The following CDH4 variants were observed in gnomAD, a reference collection of about 807,000 sequenced individuals.
CDH4 encodes cadherin-4.
A neutral mutation model predicts 86.0 loss-of-function variants in CDH4; 33 were observed. The ratio of observed to expected loss-of-function variants is 0.38; its 90% CI spans 0.29 to 0.51. The LOEUF (loss-of-function observed/expected upper bound fraction) is 0.51, where lower values mean the gene tolerates loss of function less well. Ranked by LOEUF, CDH4 falls within the 20% of genes least tolerant of loss-of-function variation. The pLI is 0.86. For synonymous variants in CDH4, 555 were observed against 549.4 expected (o/e 1.01, Z -0.14); for missense variants, 1,114 against 1,307.4 (o/e 0.85, Z 2.28).
At chr20:61,907,197 G>C (rs1023013859) in intron 8 of CDH4, among the ~76,000 whole-genome samples, 1 of 152,062 alleles carries the variant, frequency 6.6e-6, no homozygotes, top group South Asian at 2.1e-4. Context: ...AGGCCCCCCC[G>C]GGCACCAGGT....
At chr20:61,570,509 T>C (rs984087282) in intron 2 of CDH4, 2 of 598,856 alleles carry the variant, frequency 3.3e-6, no homozygotes, top group African/African-American at 1.8e-5. Context: ...CTCTCAAGGA[T>C]GGGAATGAGA....
intron 9 of CDH4, among the ~76,000 whole-genome samples, chr20:61,918,009 C>T (rs543436083): frequency 1.1e-4 from 17 of 152,258 alleles, no homozygotes; most frequent in South Asian, 2.1e-4. Flanking sequence ...TTGTTCATAG[C>T]GCTACCACGA....
intron 6 of CDH4, among the ~76,000 whole-genome samples, chr20:61,853,430 G>A (rs970328620): frequency 4.6e-5 from 7 of 152,186 alleles, no homozygotes; most frequent in African/African-American, 1.7e-4. Flanking sequence ...TCCCCCCACA[G>A]AGGCGATCCC....
At chr20:61,273,057 G>C (rs1325439901) in intron 2 of CDH4, among the ~76,000 whole-genome samples, 2 of 110,338 alleles carry the variant, frequency 1.8e-5, no homozygotes, top group Non-Finnish European at 3.6e-5. Flanking sequence ...GTGCAGTTTG[G>C]GGGAGGACCA....
At chr20:61,430,326 C>A (rs1038462307) in intron 2 of CDH4, among the ~76,000 whole-genome samples, 12 of 152,166 alleles carry the variant, frequency 7.9e-5, no homozygotes, top group Admixed American at 2.0e-4. Flanking sequence ...TTTCAGCAAC[C>A]TCCCCCACAC....
At chr20:61,624,229 C>T (rs565705531) in intron 2 of CDH4, among the ~76,000 whole-genome samples, 2 of 152,316 alleles carry the variant, frequency 1.3e-5, no homozygotes, top group Non-Finnish European at 2.9e-5. Flanking sequence ...CCTCAGGAAT[C>T]GGGAAGATAC....
intron 2 of CDH4, among the ~76,000 whole-genome samples, chr20:61,279,396 G>T (rs1389694260): frequency 6.6e-6 from 1 of 152,102 alleles, no homozygotes; most frequent in African/African-American, 2.4e-5. Flanking sequence ...TCCCAGAGGG[G>T]CCTGGCAGCC....
In CDH4 at chr20:61,785,722, C is replaced by A. The variant is rs561644154; in HGVS notation, c.576+12540C>A. Among the ~76,000 whole-genome samples the A allele has an allele frequency of 6.5e-4, 99 of 152,240 alleles. 3 individuals carry two copies. In the South Asian group the frequency reaches 0.02, roughly 31 times the overall value. ...GAGACCTTGCCCAGGTGGACAGGGC[C>A]CTCTAAAGTTCAGGACACCTCCCTT... On this transcript the variant is annotated intron_variant, in intron 4 of 15. Transcript: ENST00000614565.
chr20:61,352,472 G>T (rs1211408792), intron 2 of CDH4, among the ~76,000 whole-genome samples: 1 of 152,232 alleles, frequency 6.6e-6, no homozygotes, highest in Non-Finnish European at 1.5e-5. Flanking sequence ...CATTGCTTTA[G>T]AAAGGACTGC....
chr20:61,532,561 G>A (rs1195889083), intron 2 of CDH4, among the ~76,000 whole-genome samples: 3 of 152,188 alleles, frequency 2.0e-5, no homozygotes, highest in Admixed American at 2.0e-4. Flanking sequence ...AAGTGGACAA[G>A]GGATATCAGT....
chr20:61,376,134 G>A (rs989948197), intron 2 of CDH4, among the ~76,000 whole-genome samples: 1 of 134,480 alleles, frequency 7.4e-6, no homozygotes, highest in South Asian at 2.5e-4. Context: ...GATGAAGGTG[G>A]TACTGGTGGC....
chr20:61,546,034 CGTGT>C (rs1568886562), intron 2 of CDH4, among the ~76,000 whole-genome samples: 1 of 1,334 alleles, frequency 7.5e-4, no homozygotes, highest in Non-Finnish European at 1.4e-3. Flanking sequence ...GGTGTGTGTT[CGTGT>C]GTGTGTGGAG....
At chr20:61,503,170 A>G (rs1600716212) in intron 2 of CDH4, among the ~76,000 whole-genome samples, 1 of 152,148 alleles carries the variant, frequency 6.6e-6, no homozygotes, top group African/African-American at 2.4e-5. Flanking sequence ...TTGTGGATGG[A>G]ACAACTGGCT....
intron 2 of CDH4, among the ~76,000 whole-genome samples, chr20:61,314,082 T>TTC (rs1381114257): frequency 6.6e-6 from 1 of 152,230 alleles, no homozygotes; most frequent in Non-Finnish European, 1.5e-5. Flanking sequence ...ATCAAGTCAG[T>TTC]TCACATCTCC....
chr20:61,794,852 G>A (rs1323275271), intron 4 of CDH4, among the ~76,000 whole-genome samples: 1 of 152,164 alleles, frequency 6.6e-6, no homozygotes, highest in East Asian at 1.9e-4. Flanking sequence ...GGGCATTTTA[G>A]GATGTTCTTA....
At chr20:61,848,089 A>G (rs1175066191) in intron 5 of CDH4, among the ~76,000 whole-genome samples, 2 of 152,290 alleles carry the variant, frequency 1.3e-5, no homozygotes, top group Admixed American at 6.5e-5. Context: ...GGAAAGGTGC[A>G]GTGCCTCTGT....
At position 61,663,458 on chromosome 20, in the gene CDH4, C is replaced by T. The variant is rs758496365; in HGVS notation, c.170-80105C>T. 2.6e-5 allele frequency among the ~76,000 whole-genome samples: 4 copies of T among 152,174 alleles called. No individual in the cohort carries two copies. The highest frequency in any genetic ancestry group is 4.8e-5 in the African/African-American group (2 of 41,422). ...GACAATAATTCTGAAGGCTCTGGGTCGGGGGCATTTCAGGCGAGGGTCCTA... is the reference window on the plus strand; with the variant it reads ...GACAATAATTCTGAAGGCTCTGGGTTGGGGGCATTTCAGGCGAGGGTCCTA... On this transcript the variant is annotated intron_variant, in intron 2 of 15. Transcript: ENST00000614565. The surrounding 1 kb of genome is among the most constrained non-coding windows in gnomAD (Gnocchi z 5.0).
At chr20:61,862,952 A>C (rs1411793503) in intron 6 of CDH4, among the ~76,000 whole-genome samples, 4 of 151,976 alleles carry the variant, frequency 2.6e-5, no homozygotes, top group Non-Finnish European at 1.5e-5. Flanking sequence ...TTATTTATTT[A>C]TTTTCTTTCT....
At chr20:61,728,786 A>T (rs1320604760) in intron 2 of CDH4, among the ~76,000 whole-genome samples, 2 of 152,240 alleles carry the variant, frequency 1.3e-5, no homozygotes, top group Non-Finnish European at 2.9e-5. Flanking sequence ...CCAGATATTC[A>T]ATAAAAATGT....
Sources: allele counts gnomAD v4.1 joint callset (sites outside exome capture counted in the v4.1 genomes callset), GRCh38; gene constraint gnomAD v4.1.1; non-coding constraint Gnocchi (gnomAD v3.1); transcripts MANE v1.5; gene names NCBI Gene and HGNC (gene_info 2026-07-23, HGNC 2026-07-21).